BTG4: variants seen among roughly 807,000 people sequenced by gnomAD.
BTG4 encodes the protein protein BTG4.
In BTG4, 10 loss-of-function variants were observed where a neutral mutation model predicts 19.3. That is an observed-to-expected ratio of 0.52 (90% CI 0.32 to 0.88). BTG4 has a LOEUF of 0.88. Ranked by LOEUF, BTG4 falls within the 40% of genes least tolerant of loss-of-function variation. The probability of loss-of-function intolerance (pLI) is 0.04; values close to 1 mark genes in which losing one functional copy is unlikely to be tolerated. For missense variants in BTG4, 238 were observed against 281.9 expected (o/e 0.84, Z 1.11); for synonymous variants, 91 against 95.7 (o/e 0.95, Z 0.29).
intron 1 of BTG4, among the ~76,000 whole-genome samples, chr11:111,504,742 C>A (rs1866332767): frequency 6.6e-6 from 1 of 152,030 alleles, no homozygotes; most frequent in South Asian, 2.1e-4. Context: ...CTAGAAGACT[C>A]CTTGGCCTGA....
At chr11:111,406,579 A>G in the BTG4 span, among the ~76,000 whole-genome samples, 2 of 152,218 alleles carry the variant, frequency 1.3e-5, no homozygotes, top group East Asian at 1.9e-4. Context: ...TATAGGCACT[A>G]TTCCCTGGGG....
At chr11:111,498,239 C>T (rs1353761323) in intron 2 of BTG4, 104 bp from the exon 3 acceptor site, 15 of 1,282,432 alleles carry the variant, frequency 1.2e-5, no homozygotes, top group Non-Finnish European at 1.6e-5. Context: ...CCACCTCATC[C>T]CCTCAGCCTC....
intron 4 of BTG4, chr11:111,496,540 A>C (rs1295623805): frequency 6.6e-6 from 1 of 152,218 alleles, no homozygotes; most frequent in East Asian, 1.9e-4. Context: ...TTGCTTTAAC[A>C]TTTAATACAT....
the BTG4 span, among the ~76,000 whole-genome samples, chr11:111,391,381 T>A: frequency 6.6e-6 from 1 of 152,218 alleles, no homozygotes; most frequent in African/African-American, 2.4e-5. Context: ...TAGCCAGGTT[T>A]ATCTAGGAGA....
intron 4 of BTG4, among the ~76,000 whole-genome samples, chr11:111,496,212 ATC>A (rs1279994481): frequency 1.3e-5 from 2 of 152,242 alleles, no homozygotes. Context: ...TAATCAAATT[ATC>A]TGTTTTTTAA....
At chr11:111,390,152 C>T in the BTG4 span, among the ~76,000 whole-genome samples, 1 of 152,224 alleles carries the variant, frequency 6.6e-6, no homozygotes, top group Admixed American at 6.5e-5. Flanking sequence ...ATCACCACAT[C>T]ACATTATTCC....
chr11:111,435,372 C>T, the BTG4 span, among the ~76,000 whole-genome samples: 32 of 152,254 alleles, frequency 2.1e-4, no homozygotes, highest in East Asian at 7.7e-4. Flanking sequence ...ACCACCGCCA[C>T]GGGTGGGAAG....
At chr11:111,431,036 A>C in the BTG4 span, among the ~76,000 whole-genome samples, 37,695 of 152,004 alleles carry the variant, frequency 0.25, 5,380 homozygotes, top group East Asian at 0.51. Flanking sequence ...GTTCTCTTCT[A>C]TGCCCCCATA....
chr11:111,510,291 C>T (rs1866792865), intron 1 of BTG4, among the ~76,000 whole-genome samples: 1 of 152,078 alleles, frequency 6.6e-6, no homozygotes, highest in Non-Finnish European at 1.5e-5. Flanking sequence ...TATAAATGTG[C>T]CAAAGCTAAA....
chr11:111,478,364 C>G (rs1864521222), intron 5 of BTG4, among the ~76,000 whole-genome samples: 2 of 152,116 alleles, frequency 1.3e-5, no homozygotes, highest in Non-Finnish European at 1.5e-5. Context: ...CCTTCTCTCC[C>G]CCACTGGAAT....
the BTG4 span, among the ~76,000 whole-genome samples, chr11:111,393,640 A>G: frequency 6.6e-6 from 1 of 152,222 alleles, no homozygotes; most frequent in Non-Finnish European, 1.5e-5. Context: ...CCCAGTTACT[A>G]AAGCAAAACC....
chr11:111,484,377 T>C (rs1864923939), intron 5 of BTG4, among the ~76,000 whole-genome samples: 1 of 152,180 alleles, frequency 6.6e-6, no homozygotes, highest in Non-Finnish European at 1.5e-5. Flanking sequence ...ACCACTTGTA[T>C]CTTTCATAGG....
chr11:111,436,121 A>C, the BTG4 span, among the ~76,000 whole-genome samples: 1 of 152,256 alleles, frequency 6.6e-6, no homozygotes, highest in African/African-American at 2.4e-5. Context: ...TTTAAACATA[A>C]GGAAGCAAGG....
At chr11:111,486,817 A>G (rs910125494) in intron 5 of BTG4, among the ~76,000 whole-genome samples, 11 of 152,268 alleles carry the variant, frequency 7.2e-5, no homozygotes, top group South Asian at 6.2e-4. Context: ...TTTTTTAAAT[A>G]TTTAATTTTA....
chr11:111,442,851 A>G, the BTG4 span, among the ~76,000 whole-genome samples: 2 of 152,270 alleles, frequency 1.3e-5, no homozygotes, highest in Admixed American at 6.5e-5. Context: ...AATAACTTGC[A>G]TTCGATTAAC....
At chr11:111,485,103 G>A (rs1402813314) in intron 5 of BTG4, among the ~76,000 whole-genome samples, 4 of 151,954 alleles carry the variant, frequency 2.6e-5, no homozygotes, top group Admixed American at 6.6e-5. Flanking sequence ...TGGAGCACCC[G>A]GATTTATAAA....
chr11:111,414,607 A>G, the BTG4 span: 4 of 152,268 alleles, frequency 2.6e-5, no homozygotes, highest in African/African-American at 9.7e-5. Flanking sequence ...CAGGCTTATG[A>G]TTCTCTCCCA....
the BTG4 span, among the ~76,000 whole-genome samples, chr11:111,453,003 C>T: frequency 6.6e-6 from 1 of 152,088 alleles, no homozygotes; most frequent in East Asian, 1.9e-4. Context: ...AGCACATAGG[C>T]ATGAAACAAC....
chr11:111,404,702 CT>C, the BTG4 span: 2 of 455,752 alleles, frequency 4.4e-6, no homozygotes, highest in Non-Finnish European at 8.8e-6. Context: ...GAAGAATGTC[CT>C]TTTTCTTGGA....
Sources: allele counts gnomAD v4.1 joint callset (sites outside exome capture counted in the v4.1 genomes callset), GRCh38; gene constraint gnomAD v4.1.1; transcripts MANE v1.5; gene names NCBI Gene and HGNC (gene_info 2026-07-23, HGNC 2026-07-21).